Variants in DGKB observed in about 807,000 individuals in gnomAD.
The protein encoded by DGKB is 90 kDa diacylglycerol kinase.
Under a neutral mutation model 114.3 loss-of-function variants are expected in DGKB, and 67 were observed. The observed-to-expected ratio is 0.59, with a 90% CI of 0.48 to 0.72. DGKB has a LOEUF of 0.72. DGKB is among the 30% of genes least tolerant of loss of function. The pLI, the probability that DGKB is intolerant of heterozygous loss-of-function variation, is 0.00. For synonymous variants in DGKB, 398 were observed against 323.1 expected, an observed-to-expected ratio of 1.23 and a Z score of -2.49; for missense variants, 907 against 975.2, an observed-to-expected ratio of 0.93 and a Z score of 0.93.
intron 20 of DGKB, among the ~76,000 whole-genome samples, chr7:14,481,445 G>T (rs963922855): frequency 7.9e-5 from 12 of 151,786 alleles, no homozygotes; most frequent in African/African-American, 2.9e-4. Context: ...TAAAATAGAG[G>T]TACCCAAATA....
intron 1 of DGKB, among the ~76,000 whole-genome samples, chr7:14,854,666 G>T (rs2128166861): frequency 6.6e-6 from 1 of 152,306 alleles, no homozygotes; most frequent in Non-Finnish European, 1.5e-5. Context: ...CTCACCTCCT[G>T]CTGTGCAGCC....
At chr7:14,183,079 C>A (rs1225493610) in intron 23 of DGKB, among the ~76,000 whole-genome samples, 1 of 152,114 alleles carries the variant, frequency 6.6e-6, no homozygotes, top group African/African-American at 2.4e-5. Context: ...CATTATTTGG[C>A]CATAGTAAGA....
At chr7:14,222,588 A>T (rs1790169524) in intron 23 of DGKB, among the ~76,000 whole-genome samples, 1 of 151,482 alleles carries the variant, frequency 6.6e-6, no homozygotes, top group African/African-American at 2.4e-5. Context: ...TGAAAAGAAA[A>T]GCATAGTCTA....
At chr7:14,179,288 G>C (rs1451397329) in intron 23 of DGKB, among the ~76,000 whole-genome samples, 1 of 152,218 alleles carries the variant, frequency 6.6e-6, no homozygotes, top group African/African-American at 2.4e-5. Flanking sequence ...TTAACTCAGA[G>C]TGCTGAGACC....
Position 14,389,776 on chromosome 7 carries a change from C to G in DGKB, c.1836-44385G>C, listed in dbSNP as rs7793134. Among the ~76,000 whole-genome samples the G allele has an allele frequency of 2.0e-4, 30 of 152,294 alleles. 3 individuals are homozygous for G. The East Asian group carries it at 3.5e-3, about 18-fold the overall frequency. On this transcript the variant is annotated intron_variant, in intron 21 of 25. Transcript: ENST00000402815. ...AAGTAAATCAATATTTCTAGTCAGC[C>G]TTCTGGCTATTGTTTAGCCAGTAGA... is the stretch of plus-strand genomic sequence containing the variant.
At chr7:14,541,854 G>T (rs1487701617) in intron 20 of DGKB, among the ~76,000 whole-genome samples, 1 of 152,108 alleles carries the variant, frequency 6.6e-6, no homozygotes, top group Non-Finnish European at 1.5e-5. Flanking sequence ...CAATTTCAAT[G>T]CCAAATTCAT....
At chr7:14,704,516 C>T (rs181197764) in intron 6 of DGKB, among the ~76,000 whole-genome samples, 4 of 151,902 alleles carry the variant, frequency 2.6e-5, no homozygotes, top group Admixed American at 6.6e-5. Flanking sequence ...GGAACAGCTC[C>T]GGTCTACAGC....
intron 20 of DGKB, among the ~76,000 whole-genome samples, chr7:14,500,298 G>C (rs564119420): frequency 6.6e-6 from 1 of 151,602 alleles, no homozygotes; most frequent in African/African-American, 2.4e-5. Flanking sequence ...AGAACAAAGT[G>C]TTTTCAAATT....
At chr7:14,779,673 A>G (rs1290295011) in intron 2 of DGKB, among the ~76,000 whole-genome samples, 1 of 152,204 alleles carries the variant, frequency 6.6e-6, no homozygotes, top group African/African-American at 2.4e-5. Context: ...GTTTTGTTTA[A>G]CCATCTGTTT....
intron 23 of DGKB, among the ~76,000 whole-genome samples, chr7:14,193,136 T>C (rs1207370441): frequency 6.6e-6 from 1 of 151,600 alleles, no homozygotes; most frequent in Non-Finnish European, 1.5e-5. Context: ...ATACGCCTGT[T>C]TGTGGCCTGG....
At chr7:14,557,075 C>T (rs1362140417) in intron 20 of DGKB, among the ~76,000 whole-genome samples, 1 of 152,072 alleles carries the variant, frequency 6.6e-6, no homozygotes. Context: ...AAATTCTCAG[C>T]CCCCGTCCCC....
intron 23 of DGKB, among the ~76,000 whole-genome samples, chr7:14,196,895 G>A (rs911823131): frequency 5.3e-5 from 8 of 151,982 alleles, no homozygotes; most frequent in East Asian, 1.9e-4. Flanking sequence ...TTTAAAAAGC[G>A]TGTTATTTTA....
intron 15 of DGKB, chr7:14,621,138 C>A: frequency 2.6e-6 from 1 of 385,198 alleles, no homozygotes; most frequent in Non-Finnish European, 4.6e-6. Flanking sequence ...TTCAAAAGAT[C>A]TCTTGCCAAT....
At chr7:14,529,625 A>G (rs1791227682) in intron 20 of DGKB, among the ~76,000 whole-genome samples, 1 of 151,826 alleles carries the variant, frequency 6.6e-6, no homozygotes. Flanking sequence ...CCTAAGGAAT[A>G]TGAATAATTT....
At chr7:14,649,587 C>A (rs1487546816) in intron 13 of DGKB, among the ~76,000 whole-genome samples, 13 of 151,926 alleles carry the variant, frequency 8.6e-5, no homozygotes, top group East Asian at 1.9e-4. Flanking sequence ...ACTGCATCAA[C>A]TAACGAGCAA....
intron 13 of DGKB, among the ~76,000 whole-genome samples, chr7:14,656,975 G>C (rs1815960984): frequency 6.6e-6 from 1 of 151,628 alleles, no homozygotes; most frequent in South Asian, 2.1e-4. Context: ...TTGTCAGAAA[G>C]CAACAGCACA....
intron 2 of DGKB, among the ~76,000 whole-genome samples, chr7:14,758,924 G>GATAGATAGATAC: frequency 6.8e-6 from 1 of 147,520 alleles, no homozygotes; most frequent in South Asian, 2.1e-4. Context: ...TAGATAGATA[G>GATAGATAGATAC]ATAGATAGAT....
At chr7:14,697,791 G>GAGAAAGA (rs1563943660) in intron 8 of DGKB, among the ~76,000 whole-genome samples, 3 of 116,236 alleles carry the variant, frequency 2.6e-5, no homozygotes, top group African/African-American at 1.1e-4. Flanking sequence ...AGAAAGAAAG[G>GAGAAAGA]AAGGAAGGAA....
intron 23 of DGKB, among the ~76,000 whole-genome samples, chr7:14,286,205 C>T (rs932796322): frequency 2.0e-5 from 3 of 152,110 alleles, no homozygotes. Context: ...AGATTTCACA[C>T]AACACCTGTG....
Sources: gnomAD v4.1 joint callset for allele counts (sites outside exome capture counted in the v4.1 genomes callset) on GRCh38, gnomAD v4.1.1 for gene constraint, MANE v1.5 for transcripts, NCBI Gene and HGNC (gene_info 2026-07-23, HGNC 2026-07-21) for gene names.